The following SRGAP3 variants were observed in gnomAD, a reference collection of about 807,000 sequenced individuals.
SRGAP3 encodes SLIT-ROBO Rho GTPase-activating protein 3.
A neutral mutation model predicts 121.1 loss-of-function variants in SRGAP3; 39 were observed. The observed-to-expected ratio is 0.32, with a 90% confidence interval of 0.25 to 0.42. The LOEUF is 0.42. SRGAP3 is among the 10% of genes least tolerant of loss of function. SRGAP3 has a pLI of 1.00. For missense variants in SRGAP3, 1,213 were observed against 1,470.6 expected, an observed-to-expected ratio of 0.82 and a Z score of 2.86; for synonymous variants, 601 against 570.0, an observed-to-expected ratio of 1.05 and a Z score of -0.77.
At chr3:9,155,884 T>G (rs1449509090) in intron 1 of SRGAP3, among the ~76,000 whole-genome samples, 5 of 152,166 alleles carry the variant, frequency 3.3e-5, no homozygotes, top group Non-Finnish European at 7.3e-5. Flanking sequence ...GGTGCGATCT[T>G]GGCTCACTGC....
rs3067669 is a variant in SRGAP3 at position 9,141,553 on chromosome 3, G to GGTGTGT, written c.68-16642_68-16637dup. ...GAAACAAGAAGGATCTGACTTCAGG[G>GGTGTGT]GTGTGTGTGTGTGTGTGTGTGTGTG... On this transcript the variant is annotated intron_variant, in intron 1 of 21. Transcript: ENST00000383836. Among the ~76,000 whole-genome samples, 733 of 138,444 alleles carry GGTGTGT rather than the reference G, an allele frequency of 5.3e-3. 3 individuals carry two copies. The highest frequency in any genetic ancestry group is 0.011 in the Middle Eastern group (3 of 270). The allele number at this position is 138,444 out of a possible 152,430, so 90.8% of individuals were successfully genotyped here.
intron 1 of SRGAP3, among the ~76,000 whole-genome samples, chr3:9,204,788 T>C (rs1055095590): frequency 6.6e-6 from 1 of 152,078 alleles, no homozygotes; most frequent in Non-Finnish European, 1.5e-5. Context: ...TTCGTAGGAG[T>C]TAGGCTTTGA....
At chr3:9,277,679 C>T (rs1954610245) in intron 3 of SRGAP3, among the ~76,000 whole-genome samples, 3 of 151,232 alleles carry the variant, frequency 2.0e-5, no homozygotes, top group African/African-American at 7.3e-5. Context: ...ACTTGAAAGG[C>T]CAAGGCAGGA....
chr3:9,046,251 T>A (rs1945271929), intron 10 of SRGAP3, among the ~76,000 whole-genome samples: 1 of 152,130 alleles, frequency 6.6e-6, no homozygotes, highest in African/African-American at 2.4e-5. Context: ...ACAAAACTAA[T>A]CTGCAGTGAC....
intron 1 of SRGAP3, among the ~76,000 whole-genome samples, chr3:9,353,900 G>T (rs2030339190): frequency 6.6e-6 from 1 of 152,134 alleles, no homozygotes; most frequent in Non-Finnish European, 1.5e-5. Flanking sequence ...GGCCAAGTGG[G>T]ATCTTCTTTT....
In SRGAP3 at chr3:9,153,757, T is replaced by C. The variant is rs576979991; in HGVS notation, c.68-28840A>G. ...CTATATGTACTCTAATTATGACATA[T>C]TATTGTATACATTATACATATACAT... On this transcript the variant is annotated intron_variant, in intron 1 of 21. Transcript: ENST00000383836. Among the ~76,000 whole-genome samples, 158 of 152,334 alleles carry C rather than the reference T, an allele frequency of 1.0e-3. 1 individual carries two copies. Among genetic ancestry groups the C allele is most frequent in the Non-Finnish European group, 1.8e-3 (120 of 68,032 alleles).
chr3:9,050,978 G>C (rs1945538448), intron 9 of SRGAP3, among the ~76,000 whole-genome samples: 1 of 149,642 alleles, frequency 6.7e-6, no homozygotes, highest in African/African-American at 2.5e-5. Context: ...GTTTGTGATG[G>C]GTTAAATGAC....
chr3:8,994,317 T>C, intron 19 of SRGAP3, 26 bp downstream of exon 19: 1 of 1,613,456 alleles, frequency 6.2e-7, no homozygotes, highest in South Asian at 1.1e-5. Flanking sequence ...TTCGGCATTC[T>C]TCACAGAATT....
chr3:9,325,449 CTT>C (rs2125283975), intron 3 of SRGAP3, among the ~76,000 whole-genome samples: 2 of 152,012 alleles, frequency 1.3e-5, no homozygotes, highest in South Asian at 4.1e-4. Context: ...TGCACATGTA[CTT>C]TTCTGTTTAG....
At chr3:9,310,879 T>A (rs1238521391) in intron 3 of SRGAP3, among the ~76,000 whole-genome samples, 3 of 152,062 alleles carry the variant, frequency 2.0e-5, no homozygotes. Context: ...CTGAATAATA[T>A]ATACAGTCGG....
intron 3 of SRGAP3, among the ~76,000 whole-genome samples, chr3:9,299,259 T>C (rs186230343): frequency 2.2e-5 from 3 of 138,744 alleles, no homozygotes; most frequent in Admixed American, 7.3e-5. Context: ...TACACGGGAG[T>C]CTGAGGCAGG....
Position 9,088,382 on chromosome 3 carries a change from A to G in SRGAP3, c.424-8295T>C, listed in dbSNP as rs145397315. On this transcript the variant is annotated intron_variant, in intron 3 of 21. Transcript: ENST00000383836. ...TAAGCCAGTAAAATGAGGCTGACCA[A>G]TCTCAAGAGCCAGCCATCATGAATG... 3.4e-4 allele frequency among the ~76,000 whole-genome samples: 52 copies of G among 152,232 alleles called. 3 individuals are homozygous for G. In the East Asian group the frequency reaches 9.9e-3, roughly 29 times the overall value.
At chr3:9,194,462 T>A (rs558671519) in intron 1 of SRGAP3, 1 of 152,322 alleles carries the variant, frequency 6.6e-6, no homozygotes, top group Admixed American at 6.5e-5. Flanking sequence ...TACGATTGAG[T>A]CTCTAAGTCT....
intron 2 of SRGAP3, among the ~76,000 whole-genome samples, chr3:9,328,338 C>T (rs1163230219): frequency 1.3e-5 from 2 of 152,184 alleles, no homozygotes; most frequent in Non-Finnish European, 2.9e-5. Flanking sequence ...TCATTTGCCA[C>T]ATTTTAAGTT....
At chr3:9,071,640 GTGGATGGA>G (rs3067636) in intron 4 of SRGAP3, among the ~76,000 whole-genome samples, 39,371 of 144,754 alleles carry the variant, frequency 0.27, 5,519 homozygotes, top group Middle Eastern at 0.36. Context: ...ATTCTCAAAG[GTGGATGGA>G]TGGATGGATG....
chr3:9,180,461 C>A (rs1196115003), intron 1 of SRGAP3, among the ~76,000 whole-genome samples: 2 of 152,126 alleles, frequency 1.3e-5, no homozygotes, highest in Non-Finnish European at 2.9e-5. Flanking sequence ...CAGAAGCAGG[C>A]GACCACATCG....
chr3:9,267,514 C>T (rs1287950500), intron 3 of SRGAP3, among the ~76,000 whole-genome samples: 2 of 152,080 alleles, frequency 1.3e-5, no homozygotes, highest in Non-Finnish European at 2.9e-5. Flanking sequence ...GAGGCTGTTC[C>T]GCAGGCAGCG....
chr3:9,141,483 C>G (rs1949844233), intron 1 of SRGAP3, among the ~76,000 whole-genome samples: 1 of 151,664 alleles, frequency 6.6e-6, no homozygotes, highest in Non-Finnish European at 1.5e-5. Context: ...CTCATCCTGG[C>G]AACTTTGCAA....
At chr3:9,091,351 AAAC>A (rs1947748479) in intron 3 of SRGAP3, among the ~76,000 whole-genome samples, 2 of 152,094 alleles carry the variant, frequency 1.3e-5, no homozygotes, top group East Asian at 1.9e-4. Context: ...TGGGATTCAA[AAAC>A]AACAACAGGA....
Sources: gnomAD v4.1 joint callset for allele counts (sites outside exome capture counted in the v4.1 genomes callset) on GRCh38, gnomAD v4.1.1 for gene constraint, MANE v1.5 for transcripts, NCBI Gene and HGNC (gene_info 2026-07-23, HGNC 2026-07-21) for gene names.